The following PLTP variants were observed in gnomAD, a reference collection of about 807,000 sequenced individuals.
PLTP encodes phospholipid transfer protein, also known as BPI fold containing family E.
In PLTP, 43 loss-of-function variants were observed where a neutral mutation model predicts 54.1. The ratio of observed to expected loss-of-function variants is 0.79; its 90% CI spans 0.62 to 1.02. PLTP has a LOEUF of 1.02. Among genes scored for constraint, PLTP ranks in the 50% least tolerant of loss-of-function variants. The probability of loss-of-function intolerance (pLI) is 0.00; values close to 1 mark genes in which losing one functional copy is unlikely to be tolerated. For missense variants in PLTP, 604 were observed against 645.9 expected, an observed-to-expected ratio of 0.94 and a Z score of 0.70; for synonymous variants, 263 against 264.6, an observed-to-expected ratio of 0.99 and a Z score of 0.06.
chr20:45,905,166 C>T (rs749612017), intron 8 of PLTP, 48 bp from the exon 9 acceptor site: 26 of 1,557,904 alleles, frequency 1.7e-5, no homozygotes, highest in Middle Eastern at 1.7e-4. Flanking sequence ...TGGCCTGGCA[C>T]CTGGACTGAC....
At position 45,907,916 on chromosome 20, in the gene PLTP, G is replaced by A; in HGVS notation, c.486-12C>T. 1 of 1,565,590 alleles carries A rather than the reference G, an allele frequency of 6.4e-7. No individual in the cohort carries two copies. The highest frequency in any genetic ancestry group is 1.2e-5 in the South Asian group (1 of 85,130). The stretch of plus-strand genomic sequence containing the variant: ...AATCATACACCTTCCTGTGAGGAGA[G>A]GAGAGGCCGGATGAGCCCAGAACCT... On this transcript the variant is annotated splice_polypyrimidine_tract_variant and intron_variant, in intron 5 of 15. Transcript: ENST00000372431.
At chr20:45,907,565 C>T (rs1287015944) in intron 7 of PLTP, 127 bp downstream of exon 7, 3 of 875,976 alleles carry the variant, frequency 3.4e-6, no homozygotes, top group Non-Finnish European at 3.7e-6. Context: ...CACCCAAAAT[C>T]GCACAACAAG....
chr20:45,905,608 T>C (rs2083232022), intron 8 of PLTP, among the ~76,000 whole-genome samples: 1 of 152,224 alleles, frequency 6.6e-6, no homozygotes, highest in African/African-American at 2.4e-5. Context: ...CTTCAGGCAT[T>C]CTTTTTCTCT....
chr20:45,907,779 G>T (rs1316556751), intron 6 of PLTP, 24 bp from the exon 7 acceptor site: 1 of 1,612,308 alleles, frequency 6.2e-7, no homozygotes, highest in Non-Finnish European at 8.5e-7. Context: ...GCCAGAGTCA[G>T]GGCCTTCTCA....
In PLTP at chr20:45,907,908, TGAG is replaced by T; in HGVS notation, c.486-7_486-5del. 2 of 1,571,894 alleles carry T rather than the reference TGAG, an allele frequency of 1.3e-6. No individual in the cohort carries two copies. Among genetic ancestry groups the T allele is most frequent in the Non-Finnish European group, 1.7e-6 (2 of 1,158,214 alleles). ...GGAGAGAAAATCATACACCTTCCTG[TGAG>T]GAGAGGAGAGGCCGGATGAGCCCAG... On this transcript the variant is annotated splice_region_variant and splice_polypyrimidine_tract_variant and intron_variant, in intron 5 of 15. Transcript: ENST00000372431.
At chr20:45,906,576 C>T (rs1042851232) in intron 7 of PLTP, among the ~76,000 whole-genome samples, 1 of 151,876 alleles carries the variant, frequency 6.6e-6, no homozygotes, top group Admixed American at 6.6e-5. Context: ...ATAGAGGTTT[C>T]AAAAAAATAA....
chr20:45,909,660 C>T lies in PLTP; in HGVS notation c.341G>A (p.Gly114Asp). The T allele has an allele frequency of 1.2e-6, 2 of 1,614,106 alleles. No homozygotes were observed. Among genetic ancestry groups the T allele is most frequent in the South Asian group, 1.1e-5 (1 of 91,082 alleles). The change falls in exon 5 of 16, where the codon GGC becomes GAC. Residue 114 changes from glycine to aspartate, a missense_variant. Transcript: ENST00000372431. ...QLLYWFFYDG[G>D]YINASAEGVS... is the part of the protein sequence containing the mutation. ...ACCCTCAGCTGAGGCGTTGATGTAG[C>T]CCCCATCATAGCTGCCAGGGGGGTT... is the stretch of plus-strand genomic sequence containing the variant.
At position 45,899,448 on chromosome 20, in the gene PLTP, C is replaced by G. The variant is rs760302924; in HGVS notation, c.1359+14G>C. ...GGAAGGCCCTCCCTCCTTCCCCATC[C>G]TGCCCCCACTCACCGCATGGTTCGT... On this transcript the variant is annotated intron_variant, in intron 15 of 15. Transcript: ENST00000372431. 6 of 1,613,776 alleles carry G rather than the reference C, an allele frequency of 3.7e-6. No homozygotes were observed. The highest frequency in any genetic ancestry group is 5.1e-6 in the Non-Finnish European group (6 of 1,179,752).
intron 15 of PLTP, 46 bp from the exon 16 acceptor site, chr20:45,899,109 G>A (rs1407561358): frequency 6.2e-7 from 1 of 1,612,904 alleles, no homozygotes; most frequent in Non-Finnish European, 8.5e-7. Context: ...CAGTTATTGA[G>A]GCCAGAGTTT....
intron 12 of PLTP, among the ~76,000 whole-genome samples, chr20:45,901,861 T>TG (rs2083187369): frequency 6.6e-6 from 1 of 150,734 alleles, no homozygotes; most frequent in Non-Finnish European, 1.5e-5. Flanking sequence ...ACCACGCTAT[T>TG]GCACTCCAGC....
At position 45,902,253 on chromosome 20, in the gene PLTP, G is replaced by T. The variant is rs2083192106; in HGVS notation, c.1175+14C>A. The T allele has an allele frequency of 1.9e-6, 3 of 1,613,084 alleles. No individual in the cohort carries two copies. Among genetic ancestry groups the T allele is most frequent in the Non-Finnish European group, 2.5e-6 (3 of 1,179,592 alleles). On this transcript the variant is annotated intron_variant, in intron 12 of 15. Coordinates refer to ENST00000372431, the MANE Select transcript of PLTP (RefSeq NM_006227.4). The stretch of plus-strand genomic sequence containing the variant: ...CCTCCAATCACTGAGGTGCAGGGAA[G>T]TGCGCCTGCCTACCTGCGCAGGTCC...
chr20:45,900,749 G>A (rs563901958), intron 12 of PLTP, among the ~76,000 whole-genome samples: 3 of 152,038 alleles, frequency 2.0e-5, no homozygotes, highest in African/African-American at 4.8e-5. Flanking sequence ...GGCTGGTATC[G>A]AACTCCTGGC....
intron 1 of PLTP, 30 bp from the exon 2 acceptor site, chr20:45,911,493 T>C: frequency 1.9e-6 from 3 of 1,599,370 alleles, no homozygotes; most frequent in Non-Finnish European, 2.5e-6. Flanking sequence ...GCAGGAGTTA[T>C]CTGAGCCGCT....
At chr20:45,911,769 T>G in intron 1 of PLTP, 3 of 464,960 alleles carry the variant, frequency 6.5e-6, no homozygotes, top group East Asian at 4.2e-5. Context: ...CCCAACAACC[T>G]CCCCTTTCCT....
rs578207908 is a variant in PLTP at position 45,908,606 on chromosome 20, C to T, written c.486-702G>A. On this transcript the variant is annotated intron_variant, in intron 5 of 15. Transcript: ENST00000372431. ...CCTGAGATCAGGAGTTTGAGACCAGCGTGGCCAATATGGCGAAACCCTGTC... is the reference window on the plus strand; with the variant it reads ...CCTGAGATCAGGAGTTTGAGACCAGTGTGGCCAATATGGCGAAACCCTGTC... 5.3e-5 allele frequency among the ~76,000 whole-genome samples: 8 copies of T among 152,214 alleles called. No homozygotes were observed. The South Asian group carries it at 1.0e-3, about 20-fold the overall frequency.
Position 45,898,930 on chromosome 20 carries a change from G to T in PLTP, c.*11C>A. ...TCCTGAATGACAGCTGCCAGCTTGG[G>T]GATTGAGGGCTCAGACAGCTGCTGT... On this transcript the variant is annotated 3_prime_UTR_variant, in exon 16 of 16. Transcript: ENST00000372431. This position sits in a 1 kb window ranked among gnomAD's most constrained non-coding sequence, Gnocchi z 4.6. 1 of 1,613,286 alleles carries T rather than the reference G, an allele frequency of 6.2e-7. No individual in the cohort carries two copies. Among genetic ancestry groups the T allele is most frequent in the Non-Finnish European group, 8.5e-7 (1 of 1,179,334 alleles).
At position 45,898,720 on chromosome 20, in the gene PLTP, A is replaced by T. The variant is rs1277273649; in HGVS notation, c.*221T>A. 1 of 668,282 alleles carries T rather than the reference A, an allele frequency of 1.5e-6. No homozygotes were observed. Among genetic ancestry groups the T allele is most frequent in the African/African-American group, 1.8e-5 (1 of 55,476 alleles). The allele number at this position is 668,282 out of a possible 1,614,324, so 41.4% of individuals were successfully genotyped here. ...ATGCCCTTTATGATGCACTGATTCC[A>T]TCCCAGGAACCCAACAGAGCTCAGG... On this transcript the variant is annotated 3_prime_UTR_variant, in exon 16 of 16. Coordinates refer to ENST00000372431, the MANE Select transcript of PLTP (RefSeq NM_006227.4). The surrounding 1 kb of genome is among the most constrained non-coding windows in gnomAD (Gnocchi z 4.6).
At chr20:45,910,974 G>T in intron 3 of PLTP, 178 bp downstream of exon 3, 1 of 1,494,056 alleles carries the variant, frequency 6.7e-7, no homozygotes, top group Non-Finnish European at 8.9e-7. Context: ...TCCCGCCTAT[G>T]ATGACTGGCT....
chr20:45,903,279 A>C (rs1459202411), intron 10 of PLTP, among the ~76,000 whole-genome samples: 1 of 152,142 alleles, frequency 6.6e-6, no homozygotes, highest in African/African-American at 2.4e-5. Context: ...GGCTCACTGC[A>C]GCCTCAACCT....
Sources: allele counts gnomAD v4.1 joint callset (sites outside exome capture counted in the v4.1 genomes callset), GRCh38; gene constraint gnomAD v4.1.1; non-coding constraint Gnocchi (gnomAD v3.1); transcripts MANE v1.5; gene names NCBI Gene and HGNC (gene_info 2026-07-23, HGNC 2026-07-21).